The following ERAP1 variants were observed in gnomAD, a reference collection of about 807,000 sequenced individuals.
The protein encoded by ERAP1 is adipocyte-derived leucine aminopeptidase.
A neutral mutation model predicts 103.7 loss-of-function variants in ERAP1; 86 were observed. The ratio of observed to expected loss-of-function variants is 0.83; its 90% CI spans 0.70 to 0.99. The LOEUF is 0.99. ERAP1 is among the 50% of genes least tolerant of loss of function. The pLI, the probability that ERAP1 is intolerant of heterozygous loss-of-function variation, is 0.00. For missense variants in ERAP1, 1,009 were observed against 1,128.4 expected, an observed-to-expected ratio of 0.89 and a Z score of 1.52; for synonymous variants, 398 against 402.4, an observed-to-expected ratio of 0.99 and a Z score of 0.13.
the ERAP1 span, chr5:96,909,196 G>A: frequency 7.1e-7 from 1 of 1,418,152 alleles, no homozygotes; most frequent in South Asian, 1.2e-5. Flanking sequence ...TGTTTTGTGT[G>A]AAGTCCTTGA....
At chr5:96,865,941 A>G in the ERAP1 span, among the ~76,000 whole-genome samples, 1 of 152,224 alleles carries the variant, frequency 6.6e-6, no homozygotes, top group South Asian at 2.1e-4. Flanking sequence ...CAGACTGACA[A>G]AAATTAGTTG....
the ERAP1 span, among the ~76,000 whole-genome samples, chr5:96,933,252 C>G: frequency 9.2e-6 from 1 of 108,646 alleles, no homozygotes; most frequent in Admixed American, 1.4e-4. Flanking sequence ...GAGTCTTGCT[C>G]TGTCGCCCAG....
the ERAP1 span, among the ~76,000 whole-genome samples, chr5:96,930,925 G>GT: frequency 3.9e-5 from 6 of 152,158 alleles, no homozygotes; most frequent in Non-Finnish European, 7.3e-5. Flanking sequence ...ACTAGTCGTG[G>GT]TTTTTTATTA....
At chr5:96,861,271 G>T in the ERAP1 span, among the ~76,000 whole-genome samples, 1 of 152,142 alleles carries the variant, frequency 6.6e-6, no homozygotes, top group African/African-American at 2.4e-5. Flanking sequence ...TTTCCCTGGG[G>T]ACATCTTCAT....
At chr5:96,935,381 C>G in the ERAP1 span, 4 of 152,482 alleles carry the variant, frequency 2.6e-5, no homozygotes, top group African/African-American at 9.6e-5. Context: ...TCACCGCCCT[C>G]CTGAGGCACT....
Position 96,774,938 on chromosome 5 carries a change from C to T in ERAP1, c.*1458G>A, listed in dbSNP as rs1248339324. On this transcript the variant is annotated 3_prime_UTR_variant, in exon 19 of 19. Transcript: ENST00000443439. ...TCGTACCAATCATCAATCATATTCCCTTATCTTGAAGTTTTTGCCTTATAT... is the reference window on the plus strand; with the variant it reads ...TCGTACCAATCATCAATCATATTCCTTTATCTTGAAGTTTTTGCCTTATAT... The T allele has an allele frequency of 1.0e-6, 1 of 984,778 alleles. No individual in the cohort carries two copies. The highest frequency in any genetic ancestry group is 1.2e-6 in the Non-Finnish European group (1 of 829,554). 61.0% of individuals were successfully genotyped at this position (984,778 alleles called of 1,614,324 possible).
At chr5:96,852,309 C>T in the ERAP1 span, among the ~76,000 whole-genome samples, 1 of 152,090 alleles carries the variant, frequency 6.6e-6, no homozygotes, top group Admixed American at 6.6e-5. Flanking sequence ...TGGACAGATC[C>T]GTGTCTCCAA....
chr5:96,828,236 C>A, the ERAP1 span, among the ~76,000 whole-genome samples: 1 of 152,104 alleles, frequency 6.6e-6, no homozygotes, highest in Non-Finnish European at 1.5e-5. Context: ...ATTTATCGGT[C>A]TTTTGTGGGT....
chr5:96,777,671 G>A lies in ERAP1; in HGVS notation c.2671-1120C>T, dbSNP rs535517119. The stretch of plus-strand genomic sequence containing the variant: ...CAGAATGCAAGATTAATTCACAGTC[G>A]ATTAAAAATCACTGAGCACTACTCA... On this transcript the variant is annotated intron_variant, in intron 18 of 18. Coordinates refer to ENST00000443439, the MANE Select transcript of ERAP1 (RefSeq NM_001040458.3). Among the ~76,000 whole-genome samples, 6 of 152,234 alleles carry A rather than the reference G, an allele frequency of 3.9e-5. No homozygotes were observed. In the South Asian group the frequency reaches 6.2e-4, roughly 16 times the overall value.
At chr5:96,866,462 T>C in the ERAP1 span, among the ~76,000 whole-genome samples, 1 of 152,206 alleles carries the variant, frequency 6.6e-6, no homozygotes, top group African/African-American at 2.4e-5. Flanking sequence ...ATAGTAGTAA[T>C]AGTGATAATT....
chr5:96,842,906 T>A, the ERAP1 span, among the ~76,000 whole-genome samples: 1 of 152,234 alleles, frequency 6.6e-6, no homozygotes, highest in East Asian at 1.9e-4. Context: ...AGAAATTTTA[T>A]GATTTCAGGT....
At chr5:96,834,407 C>A in the ERAP1 span, among the ~76,000 whole-genome samples, 1 of 152,204 alleles carries the variant, frequency 6.6e-6, no homozygotes, top group Admixed American at 6.5e-5. Context: ...CCATAAAGAG[C>A]ATTGTGCACA....
the ERAP1 span, among the ~76,000 whole-genome samples, chr5:96,842,783 T>C: frequency 6.6e-6 from 1 of 152,262 alleles, no homozygotes; most frequent in Admixed American, 6.5e-5. Context: ...TTTAGTTTAA[T>C]TAGGTCCCAT....
At chr5:96,886,507 T>C in the ERAP1 span, 1 of 484,286 alleles carries the variant, frequency 2.1e-6, no homozygotes. Context: ...GGCTACAGAA[T>C]ACTAGGAGAG....
At chr5:96,905,944 A>T in the ERAP1 span, among the ~76,000 whole-genome samples, 1 of 139,600 alleles carries the variant, frequency 7.2e-6, no homozygotes, top group East Asian at 2.0e-4. Flanking sequence ...TTTCTTTTTA[A>T]TTTTTTTTTT....
At chr5:96,895,158 A>C in the ERAP1 span, 7 of 769,070 alleles carry the variant, frequency 9.1e-6, no homozygotes, top group East Asian at 2.0e-4. Flanking sequence ...AACTAATAAA[A>C]AAAAAGTTAG....
chr5:96,781,624 G>A (rs1031726370), intron 16 of ERAP1, 69 bp downstream of exon 16: 3 of 1,601,904 alleles, frequency 1.9e-6, no homozygotes, highest in African/African-American at 2.7e-5. Context: ...AACAAAAATA[G>A]ATGCCAGAAT....
the ERAP1 span, among the ~76,000 whole-genome samples, chr5:96,841,170 A>G: frequency 6.6e-6 from 1 of 152,240 alleles, no homozygotes; most frequent in African/African-American, 2.4e-5. Context: ...AACCCTGGTT[A>G]AAATGCAAAT....
the ERAP1 span, among the ~76,000 whole-genome samples, chr5:96,869,674 A>G: frequency 2.6e-5 from 4 of 152,242 alleles, no homozygotes; most frequent in Non-Finnish European, 5.9e-5. Context: ...AGAGTGTTGA[A>G]TTAGGGAAGC....
Sources: gnomAD v4.1 joint callset for allele counts (sites outside exome capture counted in the v4.1 genomes callset) on GRCh38, gnomAD v4.1.1 for gene constraint, MANE v1.5 for transcripts, NCBI Gene and HGNC (gene_info 2026-07-23, HGNC 2026-07-21) for gene names.